Variants in NPAS3 observed in about 807,000 individuals in gnomAD.
The protein encoded by NPAS3 is neuronal PAS domain protein 3.
NPAS3 carries 14 observed loss-of-function variants against 73.1 expected under a neutral mutation model. The observed-to-expected ratio is 0.19, with a 90% CI of 0.13 to 0.30. The LOEUF is 0.30. Among genes scored for constraint, NPAS3 ranks in the 10% least tolerant of loss-of-function variants. The pLI, the probability that NPAS3 is intolerant of heterozygous loss-of-function variation, is 1.00. For missense variants in NPAS3, 1,096 were observed against 1,250.0 expected (o/e 0.88, Z 1.86); for synonymous variants, 620 against 541.5 (o/e 1.14, Z -2.01).
rs528094737 is a variant in NPAS3, at chr14:33,336,331, G to A, written c.386-30855G>A. Among the ~76,000 whole-genome samples, 3 of 152,156 alleles carry A rather than the reference G, an allele frequency of 2.0e-5. No homozygotes were observed. The South Asian group carries it at 6.2e-4, about 32-fold the overall frequency. ...TGCATGGGACTGCAGTCTCATTTGA[G>A]GAGTTCCTCCTCCAGGCTCACTGGT... On this transcript the variant is annotated intron_variant, in intron 3 of 11. Coordinates refer to ENST00000356141, the Ensembl canonical transcript of NPAS3.
At chr14:33,327,810 G>A (rs1337082043) in intron 3 of NPAS3, among the ~76,000 whole-genome samples, 1 of 152,216 alleles carries the variant, frequency 6.6e-6, no homozygotes, top group Non-Finnish European at 1.5e-5. Context: ...GGCTGGACCG[G>A]AGAGTGCATG....
At chr14:33,167,092 A>C (rs1474807094) in intron 2 of NPAS3, among the ~76,000 whole-genome samples, 1 of 151,656 alleles carries the variant, frequency 6.6e-6, no homozygotes, top group Non-Finnish European at 1.5e-5. Context: ...GCCTCTTAGA[A>C]GAATAGAATT....
At chr14:33,456,206 T>G (rs926806036) in intron 4 of NPAS3, among the ~76,000 whole-genome samples, 2 of 152,006 alleles carry the variant, frequency 1.3e-5, no homozygotes, top group African/African-American at 4.8e-5. Flanking sequence ...GTGCATAATG[T>G]TCCATGGAAA....
At chr14:33,154,926 G>A (rs571821793) in intron 2 of NPAS3, among the ~76,000 whole-genome samples, 50 of 152,166 alleles carry the variant, frequency 3.3e-4, no homozygotes, top group African/African-American at 1.0e-3. Context: ...GTTGATTTGC[G>A]TTTTTGGTAA....
intron 2 of NPAS3, among the ~76,000 whole-genome samples, chr14:33,074,267 A>G (rs2041582963): frequency 6.6e-6 from 1 of 152,232 alleles, no homozygotes; most frequent in Admixed American, 6.5e-5. Context: ...ATACATGTTA[A>G]TGTTATAGGA....
chr14:33,108,142 A>G (rs1212923978), intron 2 of NPAS3, among the ~76,000 whole-genome samples: 1 of 151,862 alleles, frequency 6.6e-6, no homozygotes, highest in Non-Finnish European at 1.5e-5. Flanking sequence ...AAAAAAGTAG[A>G]ATTTAGAAAT....
chr14:33,600,101 T>G (rs1010112350), intron 5 of NPAS3, among the ~76,000 whole-genome samples: 90 of 152,210 alleles, frequency 5.9e-4, no homozygotes, highest in Non-Finnish European at 3.2e-4. Flanking sequence ...AGAACAAATC[T>G]AGATGTTTTG....
At chr14:33,373,331 G>A (rs1482746148) in intron 4 of NPAS3, among the ~76,000 whole-genome samples, 1 of 151,598 alleles carries the variant, frequency 6.6e-6, no homozygotes, top group African/African-American at 2.4e-5. Flanking sequence ...CCTAGTACAT[G>A]GAAATTGTTA....
chr14:33,717,609 ATTTC>A (rs576491268), intron 6 of NPAS3, among the ~76,000 whole-genome samples: 10 of 152,174 alleles, frequency 6.6e-5, no homozygotes, highest in Admixed American at 2.6e-4. Flanking sequence ...ATTCTCATAT[ATTTC>A]TTTCTATGCC....
At chr14:33,742,566 G>T (rs1370999528) in intron 7 of NPAS3, among the ~76,000 whole-genome samples, 1 of 152,200 alleles carries the variant, frequency 6.6e-6, no homozygotes, top group Non-Finnish European at 1.5e-5. Flanking sequence ...AGTTTTTGCT[G>T]GTAGAGGGTC....
At chr14:33,245,045 C>G (rs1266128077) in intron 3 of NPAS3, among the ~76,000 whole-genome samples, 1 of 152,164 alleles carries the variant, frequency 6.6e-6, no homozygotes, top group Admixed American at 6.5e-5. Flanking sequence ...TGGCAGTTCT[C>G]CTGATGTAGC....
At chr14:32,997,146 C>T (rs1227930824) in intron 1 of NPAS3, among the ~76,000 whole-genome samples, 1 of 152,212 alleles carries the variant, frequency 6.6e-6, no homozygotes, top group African/African-American at 2.4e-5. Flanking sequence ...TTCAGACGTG[C>T]ATGGGGCCTG....
intron 1 of NPAS3, among the ~76,000 whole-genome samples, chr14:33,012,176 A>T (rs2039227845): frequency 6.6e-6 from 1 of 152,078 alleles, no homozygotes; most frequent in African/African-American, 2.4e-5. Context: ...ATCCCTTATA[A>T]TTTCACTAAT....
intron 2 of NPAS3, among the ~76,000 whole-genome samples, chr14:33,180,454 A>G (rs905608838): frequency 6.6e-6 from 1 of 152,182 alleles, no homozygotes; most frequent in East Asian, 1.9e-4. Flanking sequence ...TTAATAAGAA[A>G]GCACATGTTC....
intron 2 of NPAS3, among the ~76,000 whole-genome samples, chr14:33,072,166 C>T (rs2041508249): frequency 6.6e-6 from 1 of 152,196 alleles, no homozygotes; most frequent in African/African-American, 2.4e-5. Context: ...GCTGGGATTA[C>T]AGGCGTGAGC....
intron 2 of NPAS3, among the ~76,000 whole-genome samples, chr14:33,161,874 G>A (rs73270577): frequency 1.3e-5 from 2 of 152,158 alleles, no homozygotes; most frequent in South Asian, 2.1e-4. Context: ...TACATAAGAC[G>A]TGGGAAATAG....
chr14:33,337,333 C>T (rs138276560), intron 3 of NPAS3, among the ~76,000 whole-genome samples: 32 of 152,142 alleles, frequency 2.1e-4, no homozygotes, highest in African/African-American at 4.8e-4. Flanking sequence ...GTTCCAGAAA[C>T]ATTGTTGGAA....
At chr14:33,492,490 G>C (rs969699484) in intron 4 of NPAS3, among the ~76,000 whole-genome samples, 1 of 152,152 alleles carries the variant, frequency 6.6e-6, no homozygotes, top group African/African-American at 2.4e-5. Context: ...CATGCAAAGA[G>C]GAGAATCGCT....
intron 4 of NPAS3, among the ~76,000 whole-genome samples, chr14:33,533,413 A>C (rs949622378): frequency 1.3e-5 from 2 of 152,178 alleles, no homozygotes; most frequent in African/African-American, 4.8e-5. Flanking sequence ...AATTAACAGC[A>C]GTGACAGATG....
Sources: allele counts gnomAD v4.1 joint callset (sites outside exome capture counted in the v4.1 genomes callset), GRCh38; gene constraint gnomAD v4.1.1; transcripts MANE v1.5; gene names NCBI Gene and HGNC (gene_info 2026-07-23, HGNC 2026-07-21).